The following SLMAP variants were observed in gnomAD, a reference collection of about 807,000 sequenced individuals.
The protein encoded by SLMAP is sarcolemma associated protein, also known as sarcolemmal membrane-associated protein.
In SLMAP, 44 loss-of-function variants were observed where a neutral mutation model predicts 128.8. The ratio of observed to expected loss-of-function variants is 0.34; its 90% CI spans 0.27 to 0.44. SLMAP has a LOEUF of 0.44. SLMAP is among the 20% of genes least tolerant of loss of function. The pLI, the probability that SLMAP is intolerant of heterozygous loss-of-function variation, is 1.00. For synonymous variants in SLMAP, 327 were observed against 348.8 expected, an observed-to-expected ratio of 0.94 and a Z score of 0.70; for missense variants, 787 against 985.3, an observed-to-expected ratio of 0.80 and a Z score of 2.69.
intron 2 of SLMAP, among the ~76,000 whole-genome samples, chr3:57,814,015 C>T (rs567340782): frequency 6.6e-6 from 1 of 151,508 alleles, no homozygotes; most frequent in East Asian, 1.9e-4. Context: ...ATGGGAAGGC[C>T]CTTATCCTTA....
At chr3:57,815,970 C>T (rs532185748) in intron 2 of SLMAP, among the ~76,000 whole-genome samples, 5 of 152,262 alleles carry the variant, frequency 3.3e-5, no homozygotes, top group Admixed American at 2.0e-4. Flanking sequence ...TGTGCTAATG[C>T]TTTATATCCT....
intron 2 of SLMAP, among the ~76,000 whole-genome samples, chr3:57,825,099 A>G (rs1341585230): frequency 2.0e-5 from 3 of 152,140 alleles, no homozygotes; most frequent in Non-Finnish European, 4.4e-5. Context: ...TTAACCTTGT[A>G]AGCTGCAAAT....
At chr3:57,794,728 C>G (rs1446666250) in intron 2 of SLMAP, among the ~76,000 whole-genome samples, 3 of 152,288 alleles carry the variant, frequency 2.0e-5, no homozygotes, top group African/African-American at 7.2e-5. Context: ...TTAGCATTTT[C>G]AAGCTTCATC....
At chr3:57,839,601 C>T (rs936646654) in intron 3 of SLMAP, among the ~76,000 whole-genome samples, 2 of 150,792 alleles carry the variant, frequency 1.3e-5, no homozygotes, top group South Asian at 2.1e-4. Context: ...GCCACCATAC[C>T]GGCTATTTTT....
chr3:57,888,228 AT>A (rs1261422589), intron 14 of SLMAP, among the ~76,000 whole-genome samples: 1 of 152,220 alleles, frequency 6.6e-6, no homozygotes, highest in Non-Finnish European at 1.5e-5. Flanking sequence ...AAACAAAAAA[AT>A]GAAGCATTAT....
chr3:57,864,032 C>T (rs2095215772), intron 10 of SLMAP, among the ~76,000 whole-genome samples: 1 of 152,160 alleles, frequency 6.6e-6, no homozygotes, highest in African/African-American at 2.4e-5. Flanking sequence ...AAGTTTCTCT[C>T]TCCTGGGTGT....
intron 2 of SLMAP, among the ~76,000 whole-genome samples, chr3:57,825,008 C>A (rs1419681174): frequency 1.3e-5 from 2 of 152,002 alleles, no homozygotes; most frequent in Non-Finnish European, 2.9e-5. Context: ...TTTTATTCTT[C>A]TAGATGGAAA....
intron 14 of SLMAP, among the ~76,000 whole-genome samples, chr3:57,883,667 T>G (rs2095804323): frequency 6.6e-6 from 1 of 152,108 alleles, no homozygotes. Flanking sequence ...GAGAGAAGAC[T>G]ACAGTGGATA....
chr3:57,770,276 GTA>G (rs2080572493), intron 2 of SLMAP, among the ~76,000 whole-genome samples: 1 of 152,218 alleles, frequency 6.6e-6, no homozygotes, highest in African/African-American at 2.4e-5. Context: ...AGAGAGTGAT[GTA>G]TTCCTTCCCC....
chr3:57,863,351 C>T (rs2095178301), intron 10 of SLMAP, among the ~76,000 whole-genome samples: 3 of 152,240 alleles, frequency 2.0e-5, no homozygotes, highest in East Asian at 3.9e-4. Flanking sequence ...GGATTGAGTG[C>T]CTAGAAGATA....
chr3:57,792,388 A>T (rs1416551420), intron 2 of SLMAP, among the ~76,000 whole-genome samples: 1 of 151,772 alleles, frequency 6.6e-6, no homozygotes, highest in Admixed American at 6.6e-5. Context: ...ACAGCACATA[A>T]TTAATGTGCT....
intron 3 of SLMAP, among the ~76,000 whole-genome samples, chr3:57,840,018 G>A (rs1323071898): frequency 6.6e-6 from 1 of 151,728 alleles, no homozygotes; most frequent in East Asian, 1.9e-4. Flanking sequence ...GAGGGGTTTT[G>A]CCATGTTGGC....
At chr3:57,776,824 C>T (rs1326774737) in intron 2 of SLMAP, among the ~76,000 whole-genome samples, 1 of 151,938 alleles carries the variant, frequency 6.6e-6, no homozygotes, top group East Asian at 1.9e-4. Flanking sequence ...TGTGCCTGGC[C>T]TGATTTGTTT....
intron 2 of SLMAP, among the ~76,000 whole-genome samples, chr3:57,767,487 C>T (rs998030629): frequency 4.6e-5 from 7 of 152,172 alleles, no homozygotes; most frequent in Non-Finnish European, 8.8e-5. Context: ...TTATTGAGAG[C>T]TTGCAGTTTG....
intron 2 of SLMAP, among the ~76,000 whole-genome samples, chr3:57,804,035 C>T (rs1280704942): frequency 6.6e-6 from 1 of 152,128 alleles, no homozygotes; most frequent in Non-Finnish European, 1.5e-5. Flanking sequence ...GAATCACTCC[C>T]AGTTAGTATA....
rs2097029764 is a variant in SLMAP, at chr3:57,927,459, G to T, written c.*170G>T. 2.3e-6 allele frequency: 2 copies of T among 886,452 alleles called. No individual in the cohort carries two copies. The highest frequency in any genetic ancestry group is 3.5e-6 in the Non-Finnish European group (2 of 574,490). 54.9% of individuals were successfully genotyped at this position (886,452 alleles called of 1,614,324 possible). On this transcript the variant is annotated 3_prime_UTR_variant, in exon 25 of 25. Transcript: ENST00000671191. Reference sequence around the variant, plus strand: ...ATCACACTCATGCTGGGGACAAACAGAACCATTTTCTTCCTCTTTACCTCT... The same window carrying T: ...ATCACACTCATGCTGGGGACAAACATAACCATTTTCTTCCTCTTTACCTCT...
Position 57,831,542 on chromosome 3 carries a change from G to T in SLMAP, c.346+12G>T. The T allele has an allele frequency of 5.5e-6, 8 of 1,461,868 alleles. No individual in the cohort carries two copies. The highest frequency in any genetic ancestry group is 7.3e-6 in the Non-Finnish European group (8 of 1,098,666). 90.6% of individuals were successfully genotyped at this position (1,461,868 alleles called of 1,614,324 possible). On this transcript the variant is annotated intron_variant, in intron 3 of 24. Transcript: ENST00000671191. ...GAATACACGGAAAGGTACGGGTATG[G>T]ATCACTTTTTTTATTACTTGTCTTT...
intron 2 of SLMAP, among the ~76,000 whole-genome samples, chr3:57,790,086 C>T (rs1236754941): frequency 6.6e-6 from 1 of 152,220 alleles, no homozygotes; most frequent in Non-Finnish European, 1.5e-5. Flanking sequence ...ATCCACCTGC[C>T]TCAGCCTCCC....
rs1577210069 is a variant in SLMAP at position 57,831,588 on chromosome 3, A to G, written c.346+58A>G. The G allele has an allele frequency of 1.1e-5, 13 of 1,197,786 alleles. No individual in the cohort carries two copies. In the East Asian group the frequency reaches 3.5e-4, roughly 33 times the overall value. The allele number at this position is 1,197,786 out of a possible 1,614,324, so 74.2% of individuals were successfully genotyped here. On this transcript the variant is annotated intron_variant, in intron 3 of 24. Coordinates refer to ENST00000671191, the MANE Select transcript of SLMAP (RefSeq NM_001377540.1). ...TCTTTTAAAGGTTATTTAATTTTTT[A>G]TTATCTTACTTGACATTATGAAACA...
Sources: allele counts gnomAD v4.1 joint callset (sites outside exome capture counted in the v4.1 genomes callset), GRCh38; gene constraint gnomAD v4.1.1; transcripts MANE v1.5; gene names NCBI Gene and HGNC (gene_info 2026-07-23, HGNC 2026-07-21).